The following SDR42E2 variants were observed in gnomAD, a reference collection of about 807,000 sequenced individuals.
SDR42E2 encodes short chain dehydrogenase/reductase family 42E, member 2.
Under a neutral mutation model 10.5 loss-of-function variants are expected in SDR42E2, and 20 were observed. The ratio of observed to expected loss-of-function variants is 1.90; its 90% CI spans 1.34 to 2.77. SDR42E2 has a LOEUF of 2.77. SDR42E2 is among the 30% of genes most tolerant of loss of function. The probability of loss-of-function intolerance (pLI) is 0.00; values close to 1 mark genes in which losing one functional copy is unlikely to be tolerated. For synonymous variants in SDR42E2, 72 were observed against 39.2 expected (o/e 1.84, Z -3.12); for missense variants, 162 against 104.2 (o/e 1.55, Z -2.42).
intron 4 of SDR42E2, among the ~76,000 whole-genome samples, chr16:22,168,090 A>G (rs2046559785): frequency 6.6e-6 from 1 of 152,048 alleles, no homozygotes; most frequent in Non-Finnish European, 1.5e-5. Flanking sequence ...AAACAAAAAC[A>G]GCCACAACAA....
intron 7 of SDR42E2, among the ~76,000 whole-genome samples, chr16:22,177,868 G>T (rs536537500): frequency 1.1e-4 from 14 of 126,298 alleles, no homozygotes; most frequent in Non-Finnish European, 2.2e-4. Flanking sequence ...GGAGGGCAGG[G>T]ACCATTTATT....
chr16:22,188,426 C>T (rs557184217), intron 12 of SDR42E2, among the ~76,000 whole-genome samples: 1 of 152,150 alleles, frequency 6.6e-6, no homozygotes, highest in South Asian at 2.1e-4. Flanking sequence ...GTATGCCAGG[C>T]ACTGTGCTTT....
At chr16:22,186,365 C>T (rs1018234895) in intron 11 of SDR42E2, among the ~76,000 whole-genome samples, 1 of 152,134 alleles carries the variant, frequency 6.6e-6, no homozygotes, top group Admixed American at 6.5e-5. Context: ...TGCCACCACG[C>T]CCGGCTAATT....
chr16:22,166,200 G>T, intron 2 of SDR42E2, 50 bp from the exon 3 acceptor site: 1 of 413,876 alleles, frequency 2.4e-6, no homozygotes, highest in Non-Finnish European at 4.3e-6. Flanking sequence ...TCAGACAGGG[G>T]TCTGGGACTG....
chr16:22,169,118 A>G (rs2046571055), intron 4 of SDR42E2, among the ~76,000 whole-genome samples: 1 of 152,184 alleles, frequency 6.6e-6, no homozygotes, highest in South Asian at 2.1e-4. Flanking sequence ...ATGACCCAAC[A>G]GGTTCTGAGC....
At chr16:22,177,134 A>T in intron 7 of SDR42E2, among the ~76,000 whole-genome samples, 1 of 152,152 alleles carries the variant, frequency 6.6e-6, no homozygotes, top group Non-Finnish European at 1.5e-5. Context: ...GTGTGACTGG[A>T]AGCAAATCAC....
At chr16:22,166,005 G>A (rs953777550) in intron 2 of SDR42E2, among the ~76,000 whole-genome samples, 10 of 149,884 alleles carry the variant, frequency 6.7e-5, no homozygotes, top group Middle Eastern at 3.5e-3. Flanking sequence ...GAGCTGGGTC[G>A]GGACCTGGTC....
At chr16:22,189,274 G>A (rs2046754857) in intron 12 of SDR42E2, among the ~76,000 whole-genome samples, 1 of 152,110 alleles carries the variant, frequency 6.6e-6, no homozygotes, top group Non-Finnish European at 1.5e-5. Context: ...CCCAGGGTCC[G>A]GCTGAGGAAA....
chr16:22,175,174 A>AATTTTTTTT (rs2046633997), intron 7 of SDR42E2, among the ~76,000 whole-genome samples: 1 of 151,980 alleles, frequency 6.6e-6, no homozygotes, highest in East Asian at 1.9e-4. Flanking sequence ...AAACAATAGA[A>AATTTTTTTT]ATGGGCCGGG....
intron 9 of SDR42E2, 26 bp downstream of exon 9, chr16:22,181,682 C>T (rs1348935110): frequency 2.9e-6 from 2 of 700,858 alleles, no homozygotes; most frequent in Admixed American, 2.0e-5. Context: ...TGCCCCCAAC[C>T]ACCTTCCCCA....
At position 22,190,641 on chromosome 16, in the gene SDR42E2, C is replaced by A. The variant is rs972473795; in HGVS notation, c.*248C>A. ...TCCTGTGTTTTGGCCCCGCCCCTGTCCTGTCCCGCCCCGCCCTCCGAAGTG... is the reference window on the plus strand; with the variant it reads ...TCCTGTGTTTTGGCCCCGCCCCTGTACTGTCCCGCCCCGCCCTCCGAAGTG... On this transcript the variant is annotated 3_prime_UTR_variant, in exon 13 of 13. Transcript: ENST00000602312. 15 of 373,930 alleles carry A rather than the reference C, an allele frequency of 4.0e-5. No homozygotes were observed. Among genetic ancestry groups the A allele is most frequent in the African/African-American group, 3.2e-4 (15 of 46,222 alleles). 23.2% of individuals were successfully genotyped at this position (373,930 alleles called of 1,614,324 possible).
chr16:22,167,806 A>C (rs1186115209), intron 4 of SDR42E2, among the ~76,000 whole-genome samples: 1 of 152,168 alleles, frequency 6.6e-6, no homozygotes, highest in Non-Finnish European at 1.5e-5. Flanking sequence ...GTGCAGATTA[A>C]AAAAATAGTT....
In SDR42E2 at chr16:22,169,491, TA is replaced by T; in HGVS notation, c.384del (p.Val129Ter). ...IESINVGGTK[L>X]VIDVCVRRRV... ...TCTATAAATGTTGGAGGCACCAAAC[TA>T]GTGATTGATGGTAGGTGCTCAGAGC... On this transcript the variant is annotated frameshift_variant, in exon 5 of 13. Transcript: ENST00000602312. LOFTEE classifies it high-confidence loss of function. 1.4e-6 allele frequency: 1 copy of T among 703,562 alleles called. No homozygotes were observed. Among genetic ancestry groups the T allele is most frequent in the Non-Finnish European group, 2.6e-6 (1 of 385,136 alleles). 43.6% of individuals were successfully genotyped at this position (703,562 alleles called of 1,614,324 possible). A position where few individuals can be genotyped will look rare whatever the true frequency, so the allele number is the denominator to read the frequency against.
intron 4 of SDR42E2, among the ~76,000 whole-genome samples, chr16:22,167,454 G>C (rs1313202659): frequency 6.6e-6 from 1 of 151,872 alleles, no homozygotes; most frequent in Admixed American, 6.6e-5. Context: ...CAAAGTGCTG[G>C]GATTACAGGC....
chr16:22,171,137 A>C (rs553800927), intron 6 of SDR42E2, among the ~76,000 whole-genome samples, 186 bp downstream of exon 6: 18 of 152,320 alleles, frequency 1.2e-4, no homozygotes, highest in Middle Eastern at 3.4e-3. Context: ...GGGGCATTGA[A>C]ATCAGACAGG....
chr16:22,187,499 C>T (rs1044117340), intron 12 of SDR42E2, among the ~76,000 whole-genome samples: 6 of 151,700 alleles, frequency 4.0e-5, no homozygotes, highest in African/African-American at 1.5e-4. Context: ...TGCCTTTAGT[C>T]CCAGCTCAGG....
At chr16:22,169,831 G>C (rs544243867) in intron 5 of SDR42E2, among the ~76,000 whole-genome samples, 1 of 151,852 alleles carries the variant, frequency 6.6e-6, no homozygotes, top group Non-Finnish European at 1.5e-5. Context: ...AAGAGTTCGA[G>C]ACCAGCCTGG....
At chr16:22,183,062 TTGAGGGGC>T (rs2046708697) in intron 10 of SDR42E2, among the ~76,000 whole-genome samples, 1 of 152,134 alleles carries the variant, frequency 6.6e-6, no homozygotes, top group East Asian at 1.9e-4. Context: ...GCTGGAGCCC[TTGAGGGGC>T]GCCATGTGTT....
At chr16:22,184,475 G>T (rs535395393) in intron 11 of SDR42E2, among the ~76,000 whole-genome samples, 2 of 152,124 alleles carry the variant, frequency 1.3e-5, no homozygotes, top group African/African-American at 4.8e-5. Flanking sequence ...GGTGGCGCAC[G>T]CCTGTATTCC....
Sources: allele counts gnomAD v4.1 joint callset (sites outside exome capture counted in the v4.1 genomes callset), GRCh38; gene constraint gnomAD v4.1.1; transcripts MANE v1.5; gene names NCBI Gene and HGNC (gene_info 2026-07-23, HGNC 2026-07-21).